The following FAM83F variants were observed in gnomAD, a reference collection of about 807,000 sequenced individuals.
The protein encoded by FAM83F is protein FAM83F.
Under a neutral mutation model 42.9 loss-of-function variants are expected in FAM83F, and 45 were observed. That is an observed-to-expected ratio of 1.05 (90% confidence interval 0.83 to 1.35). The LOEUF (loss-of-function observed/expected upper bound fraction) is 1.35, where lower values mean the gene tolerates loss of function less well. Among genes scored for constraint, FAM83F ranks in the 40% most tolerant of loss-of-function variants. FAM83F has a pLI of 0.00. For synonymous variants in FAM83F, 306 were observed against 298.3 expected (o/e 1.03, Z -0.27); for missense variants, 617 against 695.9 (o/e 0.89, Z 1.28).
Position 40,019,935 on chromosome 22 carries a change from G to A in FAM83F, c.706G>A (p.Gly236Arg). ...VTGVGFYMPM[G>R]RIKGTLSSRF... is the part of the protein sequence containing the mutation. Reference sequence around the variant, plus strand: ...AGGCGTCGGCTTCTACATGCCCATGGGGAGGATCAAGGGGACCCTGTCATC... The same window carrying A: ...AGGCGTCGGCTTCTACATGCCCATGAGGAGGATCAAGGGGACCCTGTCATC... Residue 236 changes from glycine (G) to arginine (R), a missense_variant, in exon 3 of 5, where the codon GGG (glycine) becomes AGG (arginine). Coordinates refer to ENST00000333407, the MANE Select transcript of FAM83F (RefSeq NM_138435.4). The A allele has an allele frequency of 6.2e-7, 1 of 1,613,680 alleles. No individual in the cohort carries two copies. Among genetic ancestry groups the A allele is most frequent in the South Asian group, 1.1e-5 (1 of 91,022 alleles).
At position 40,023,804 on chromosome 22, in the gene FAM83F, G is replaced by A. The variant is rs1056404716; in HGVS notation, c.1453+1841G>A. On this transcript the variant is annotated intron_variant, in intron 4 of 4. Coordinates refer to ENST00000333407, the MANE Select transcript of FAM83F (RefSeq NM_138435.4). The surrounding 1 kb of genome is among the most constrained non-coding windows in gnomAD (Gnocchi z 4.1). Reference sequence around the variant, plus strand: ...GAGAGAGAGAGGGAATAGTGAGGGCGAGGGCACGGACAGCCAGGAAGGTCC... The same window carrying A: ...GAGAGAGAGAGGGAATAGTGAGGGCAAGGGCACGGACAGCCAGGAAGGTCC... Among the ~76,000 whole-genome samples the A allele has an allele frequency of 6.6e-6, 1 of 152,152 alleles. No individual in the cohort carries two copies. The highest frequency in any genetic ancestry group is 1.5e-5 in the Non-Finnish European group (1 of 68,014).
intron 2 of FAM83F, 107 bp downstream of exon 2, chr22:40,019,442 G>A (rs1255936030): frequency 1.6e-5 from 16 of 1,011,490 alleles, no homozygotes; most frequent in South Asian, 4.6e-5. Flanking sequence ...GGGCTCAGGC[G>A]AACTTCAAGA....
chr22:40,011,967 C>T (rs1026043820), intron 1 of FAM83F, among the ~76,000 whole-genome samples: 6 of 152,318 alleles, frequency 3.9e-5, no homozygotes, highest in Non-Finnish European at 7.3e-5. Context: ...AATAGCTGCA[C>T]CAGTGCTCCC....
chr22:40,019,939 G>A lies in FAM83F; in HGVS notation c.710G>A (p.Arg237Lys). ...TGVGFYMPMG[R>K]IKGTLSSRFL... ...GTCGGCTTCTACATGCCCATGGGGAGGATCAAGGGGACCCTGTCATCAAGG... is the reference window on the plus strand; with the variant it reads ...GTCGGCTTCTACATGCCCATGGGGAAGATCAAGGGGACCCTGTCATCAAGG... The change falls in exon 3 of 5, where the codon AGG (arginine) becomes AAG (lysine). Residue 237 changes from arginine to lysine, a missense_variant. Physicochemically the swap from Arg to Lys is conservative, Grantham distance 26. Coordinates refer to ENST00000333407, the MANE Select transcript of FAM83F (RefSeq NM_138435.4). 6.2e-7 allele frequency: 1 copy of A among 1,613,610 alleles called. No individual in the cohort carries two copies. The highest frequency in any genetic ancestry group is 8.5e-7 in the Non-Finnish European group (1 of 1,179,734).
At chr22:40,005,131 C>T (rs771593749) in intron 1 of FAM83F, among the ~76,000 whole-genome samples, 11 of 152,222 alleles carry the variant, frequency 7.2e-5, no homozygotes, top group African/African-American at 2.4e-4. Flanking sequence ...ATCCTTGCTG[C>T]GTCTCAGCAC....
Position 40,023,541 on chromosome 22 carries a change from GC to G in FAM83F, c.1453+1582del, listed in dbSNP as rs2067534148. Among the ~76,000 whole-genome samples, 1 of 152,096 alleles carries G rather than the reference GC, an allele frequency of 6.6e-6. No homozygotes were observed. On this transcript the variant is annotated intron_variant, in intron 4 of 4. Transcript: ENST00000333407. This position sits in a 1 kb window ranked among gnomAD's most constrained non-coding sequence, Gnocchi z 4.1. ...GGAGTGGAAGCTTTCTCTTCCTTCAGCCCCTCGCCCTGAGATGCAGTTTCCA... is the reference window on the plus strand; with the variant it reads ...GGAGTGGAAGCTTTCTCTTCCTTCAGCCCTCGCCCTGAGATGCAGTTTCCA...
At chr22:39,998,957 T>C (rs1002409637) in intron 1 of FAM83F, 1 of 152,180 alleles carries the variant, frequency 6.6e-6, no homozygotes, top group African/African-American at 2.4e-5. Flanking sequence ...AAACTCTTGG[T>C]TCTTATTTGC....
At chr22:40,008,600 G>C (rs114872874) in intron 1 of FAM83F, among the ~76,000 whole-genome samples, 1,675 of 152,266 alleles carry the variant, frequency 0.011, 25 homozygotes, top group African/African-American at 0.038. Context: ...AAAGTGGGAC[G>C]TCCCCCTCGT....
intron 1 of FAM83F, among the ~76,000 whole-genome samples, chr22:40,001,408 G>T (rs2067401138): frequency 6.6e-6 from 1 of 152,196 alleles, no homozygotes; most frequent in African/African-American, 2.4e-5. Context: ...GGAGGCCGAG[G>T]CGGGCAGATC....
chr22:40,021,793 C>T lies in FAM83F; in HGVS notation c.1283C>T (p.Ala428Val), dbSNP rs774097517. ...APSRNGMGEA[A>V]RGEAAPARRF... ...AGCCGAAACGGCATGGGAGAAGCGG[C>T]CCGGGGGGAGGCCGCCCCCGCCAGG... The change falls in exon 4 of 5, where the codon GCC becomes GTC. Residue 428 changes from alanine (A) to valine (V), a missense_variant. Transcript: ENST00000333407. The surrounding 1 kb of genome is among the most constrained non-coding windows in gnomAD (Gnocchi z 8.7). The T allele has an allele frequency of 9.9e-6, 16 of 1,612,538 alleles. No homozygotes were observed. The highest frequency in any genetic ancestry group is 7.7e-5 in the South Asian group (7 of 91,074).
At position 39,995,650 on chromosome 22, in the gene FAM83F, C is replaced by T. The variant is rs1483668536; in HGVS notation, c.489+119C>T. The T allele has an allele frequency of 7.8e-6, 11 of 1,402,966 alleles. No homozygotes were observed. In the Admixed American group the frequency reaches 2.0e-4, roughly 26 times the overall value. 86.9% of individuals were successfully genotyped at this position (1,402,966 alleles called of 1,614,324 possible). A position where few individuals can be genotyped will look rare whatever the true frequency, so the allele number is the denominator to read the frequency against. On this transcript the variant is annotated intron_variant, in intron 1 of 4. Coordinates refer to ENST00000333407, the MANE Select transcript of FAM83F (RefSeq NM_138435.4). The surrounding 1 kb of genome is among the most constrained non-coding windows in gnomAD (Gnocchi z 4.6). The stretch of plus-strand genomic sequence containing the variant: ...CCCTGAGCACCCTCTGGAAAATGGG[C>T]CCCAACCCGCCCCTACTTCCTGGGG...
chr22:40,004,749 A>AT (rs376433992), intron 1 of FAM83F, among the ~76,000 whole-genome samples: 204 of 152,240 alleles, frequency 1.3e-3, no homozygotes, highest in Middle Eastern at 3.4e-3. Flanking sequence ...ATTCCATTTA[A>AT]TTTTTTTACA....
Position 40,029,619 on chromosome 22 carries a change from G to A in FAM83F, c.*54G>A. 1 of 1,589,140 alleles carries A rather than the reference G, an allele frequency of 6.3e-7. No homozygotes were observed. Among genetic ancestry groups the A allele is most frequent in the Non-Finnish European group, 8.6e-7 (1 of 1,167,096 alleles). The stretch of plus-strand genomic sequence containing the variant: ...TGGATGCCTGCCTGCCCTGCCCTGT[G>A]CTGTGGAGAGCGCAGGTCGCACACT... On this transcript the variant is annotated 3_prime_UTR_variant, in exon 5 of 5. Coordinates refer to ENST00000333407, the MANE Select transcript of FAM83F (RefSeq NM_138435.4).
chr22:40,041,398 T>C lies in FAM83F; in HGVS notation c.*11833T>C. 1 of 152,170 alleles carries C rather than the reference T, an allele frequency of 6.6e-6. No homozygotes were observed. 9.4% of individuals were successfully genotyped at this position (152,170 alleles called of 1,614,324 possible). ...TAGCATTCTCTGACCTGGGCTGCCT[T>C]TTCAGGGTATGAGTTGATTCCGCAG... On this transcript the variant is annotated 3_prime_UTR_variant, in exon 5 of 5. Coordinates refer to ENST00000333407, the MANE Select transcript of FAM83F (RefSeq NM_138435.4).
At chr22:40,014,686 T>C (rs569942895) in intron 1 of FAM83F, among the ~76,000 whole-genome samples, 2 of 152,358 alleles carry the variant, frequency 1.3e-5, no homozygotes, top group South Asian at 4.1e-4. Context: ...CCTCCTTTTT[T>C]GTCGGTTTTG....
At position 40,023,797 on chromosome 22, in the gene FAM83F, T is replaced by C. The variant is rs2067535146; in HGVS notation, c.1453+1834T>C. ...TGGGATAGAGAGAGAGAGGGAATAG[T>C]GAGGGCGAGGGCACGGACAGCCAGG... On this transcript the variant is annotated intron_variant, in intron 4 of 4. Coordinates refer to ENST00000333407, the MANE Select transcript of FAM83F (RefSeq NM_138435.4). The surrounding 1 kb of genome is among the most constrained non-coding windows in gnomAD (Gnocchi z 4.1). Among the ~76,000 whole-genome samples, 1 of 152,094 alleles carries C rather than the reference T, an allele frequency of 6.6e-6. No individual in the cohort carries two copies. The highest frequency in any genetic ancestry group is 2.4e-5 in the African/African-American group (1 of 41,416).
Position 40,041,635 on chromosome 22 carries a change from A to T in FAM83F, c.*12070A>T, listed in dbSNP as rs2067650763. The T allele has an allele frequency of 6.6e-6, 1 of 152,198 alleles. No homozygotes were observed. Among genetic ancestry groups the T allele is most frequent in the African/African-American group, 2.4e-5 (1 of 41,458 alleles). 9.4% of individuals were successfully genotyped at this position (152,198 alleles called of 1,614,324 possible). ...GAGGGCAGGTTCCATCCAAAGCCGC[A>T]GTTCTGGGTGATGAGAGCTCTGAGA... On this transcript the variant is annotated 3_prime_UTR_variant, in exon 5 of 5. Transcript: ENST00000333407.
chr22:40,002,788 G>A (rs1465802484), intron 1 of FAM83F, among the ~76,000 whole-genome samples: 1 of 152,240 alleles, frequency 6.6e-6, no homozygotes, highest in Admixed American at 6.5e-5. Context: ...AGAAGGGTGA[G>A]TGATGCGTGC....
intron 1 of FAM83F, among the ~76,000 whole-genome samples, chr22:40,013,412 G>A (rs1601767404): frequency 6.6e-6 from 1 of 152,238 alleles, no homozygotes; most frequent in South Asian, 2.1e-4. Context: ...CATACATGAA[G>A]TTTTGTGGAT....
Sources: gnomAD v4.1 joint callset for allele counts (sites outside exome capture counted in the v4.1 genomes callset) on GRCh38, gnomAD v4.1.1 for gene constraint, Gnocchi (gnomAD v3.1) non-coding constraint, MANE v1.5 for transcripts, NCBI Gene and HGNC (gene_info 2026-07-23, HGNC 2026-07-21) for gene names.